CNTN1: variants seen among roughly 807,000 people sequenced by gnomAD.
CNTN1 encodes the protein contactin-1.
A neutral mutation model predicts 126.4 loss-of-function variants in CNTN1; 38 were observed. The observed-to-expected ratio is 0.30, with a 90% CI of 0.23 to 0.39. CNTN1 has a LOEUF of 0.39. CNTN1 is among the 10% of genes least tolerant of loss of function. The probability of loss-of-function intolerance (pLI) is 1.00; values close to 1 mark genes in which losing one functional copy is unlikely to be tolerated. For synonymous variants in CNTN1, 413 were observed against 422.6 expected (o/e 0.98, Z 0.28); for missense variants, 1,009 against 1,248.4 (o/e 0.81, Z 2.89).
chr12:41,057,489 TA>T (rs1949852175), intron 23 of CNTN1, among the ~76,000 whole-genome samples: 1 of 151,916 alleles, frequency 6.6e-6, no homozygotes, highest in Admixed American at 6.6e-5. Context: ...TGATATGTAT[TA>T]AAAAATCAAC....
chr12:40,975,134 T>G (rs1041285251), intron 15 of CNTN1, among the ~76,000 whole-genome samples: 1 of 149,142 alleles, frequency 6.7e-6, no homozygotes, highest in African/African-American at 2.5e-5. Flanking sequence ...TATGTATCTC[T>G]GACAACAGCC....
chr12:40,819,904 G>A (rs1193764332), intron 1 of CNTN1, among the ~76,000 whole-genome samples: 1 of 152,176 alleles, frequency 6.6e-6, no homozygotes. Flanking sequence ...CTTGGCTCGG[G>A]GGAGGGGGTT....
At position 40,856,258 on chromosome 12, in the gene CNTN1, T is replaced by C. The variant is rs558926292; in HGVS notation, c.-76-52099T>C. Among the ~76,000 whole-genome samples the C allele has an allele frequency of 3.3e-5, 5 of 152,126 alleles. No individual in the cohort carries two copies. The South Asian group carries it at 8.3e-4, about 25-fold the overall frequency. ...CCAGTTTAAAGACCACTCAGATAGA[T>C]TGAGGCAGTGACAATGACAGTAGAA... On this transcript the variant is annotated intron_variant, in intron 1 of 23. Transcript: ENST00000551295.
At chr12:40,715,563 G>A (rs1942028527) in intron 1 of CNTN1, among the ~76,000 whole-genome samples, 1 of 152,114 alleles carries the variant, frequency 6.6e-6, no homozygotes, top group Non-Finnish European at 1.5e-5. Context: ...TTCCCCTTGT[G>A]TTGGAGAAAA....
intron 7 of CNTN1, among the ~76,000 whole-genome samples, chr12:40,930,628 G>A (rs1483222291): frequency 6.6e-6 from 1 of 151,820 alleles, no homozygotes; most frequent in African/African-American, 2.4e-5. Context: ...CAGTATACTT[G>A]CTTACTTTAC....
chr12:40,913,867 C>A (rs1945138119), intron 3 of CNTN1, among the ~76,000 whole-genome samples: 1 of 151,992 alleles, frequency 6.6e-6, no homozygotes, highest in African/African-American at 2.4e-5. Flanking sequence ...TCTTTTTGAT[C>A]ACATTTAAGA....
intron 1 of CNTN1, among the ~76,000 whole-genome samples, chr12:40,781,511 G>A (rs773699227): frequency 7.2e-5 from 11 of 151,842 alleles, no homozygotes; most frequent in Non-Finnish European, 1.6e-4. Flanking sequence ...TATTTCTTCT[G>A]CATGTATTAG....
Position 40,977,764 on chromosome 12 carries a change from CTGTTTTGTTTTGTTTTGTTT to C in CNTN1, c.1805-3107_1805-3088del, listed in dbSNP as rs56822606. On this transcript the variant is annotated intron_variant, in intron 15 of 23. Coordinates refer to ENST00000551295, the MANE Select transcript of CNTN1 (RefSeq NM_001843.4). ...ACATTATTTCAGTCCTAACAATCAT[CTGTTTTGTTTTGTTTTGTTT>C]TGTTTTGTTTTGTTTTGTTTTGTTT... Among the ~76,000 whole-genome samples the C allele has an allele frequency of 2.4e-3, 164 of 69,120 alleles. 4 individuals carry two copies. The highest frequency in any genetic ancestry group is 0.01 in the African/African-American group (142 of 13,654). 45.3% of individuals were successfully genotyped at this position (69,120 alleles called of 152,430 possible).
Position 40,908,351 on chromosome 12 carries a change from A to C in CNTN1, c.-76-6A>C. On this transcript the variant is annotated splice_region_variant and splice_polypyrimidine_tract_variant and intron_variant, in intron 1 of 23. Transcript: ENST00000551295. Reference sequence around the variant, plus strand: ...TTCCTTCTTCTTCTTTTCTTTCTTGATGCAGGTGTTTAAAATTATCCAACT... The same window carrying C: ...TTCCTTCTTCTTCTTTTCTTTCTTGCTGCAGGTGTTTAAAATTATCCAACT... The C allele has an allele frequency of 1.1e-6, 1 of 929,696 alleles. No individual in the cohort carries two copies. The highest frequency in any genetic ancestry group is 1.7e-6 in the Non-Finnish European group (1 of 574,696). 57.6% of individuals were successfully genotyped at this position (929,696 alleles called of 1,614,324 possible). A position where few individuals can be genotyped will look rare whatever the true frequency, so the allele number is the denominator to read the frequency against.
At chr12:41,008,246 G>A (rs544112126) in intron 17 of CNTN1, among the ~76,000 whole-genome samples, 4 of 152,080 alleles carry the variant, frequency 2.6e-5, no homozygotes, top group Admixed American at 2.0e-4. Flanking sequence ...ATGTTAGTTC[G>A]AATATGACTA....
At chr12:41,008,088 C>T (rs1566132410) in intron 17 of CNTN1, among the ~76,000 whole-genome samples, 1 of 152,178 alleles carries the variant, frequency 6.6e-6, no homozygotes, top group Non-Finnish European at 1.5e-5. Flanking sequence ...CTGGCAACTT[C>T]CTCCTATAAA....
At chr12:40,991,282 T>C (rs530202777) in intron 16 of CNTN1, among the ~76,000 whole-genome samples, 1 of 152,276 alleles carries the variant, frequency 6.6e-6, no homozygotes, top group East Asian at 1.9e-4. Flanking sequence ...TCTGTGTCTT[T>C]CTTTTATAAA....
intron 1 of CNTN1, among the ~76,000 whole-genome samples, chr12:40,894,467 A>T (rs1176180563): frequency 6.6e-6 from 1 of 152,170 alleles, no homozygotes; most frequent in Non-Finnish European, 1.5e-5. Flanking sequence ...GTTAATGGAG[A>T]AACTATACAG....
At chr12:41,029,308 C>G in intron 23 of CNTN1, 89 bp downstream of exon 23, 1 of 1,382,030 alleles carries the variant, frequency 7.2e-7, no homozygotes, top group Non-Finnish European at 1.0e-6. Flanking sequence ...AAGCCTGATA[C>G]ACCAGTGTCC....
intron 3 of CNTN1, among the ~76,000 whole-genome samples, chr12:40,916,360 A>G (rs1050358664): frequency 1.3e-5 from 2 of 152,162 alleles, no homozygotes; most frequent in Admixed American, 1.3e-4. Flanking sequence ...GAGAGACTCA[A>G]GGAATAGCTT....
intron 1 of CNTN1, among the ~76,000 whole-genome samples, chr12:40,859,079 A>T (rs566432015): frequency 6.6e-6 from 1 of 152,258 alleles, no homozygotes; most frequent in Admixed American, 6.5e-5. Flanking sequence ...CCACCATGGC[A>T]CATGTTGACC....
intron 1 of CNTN1, among the ~76,000 whole-genome samples, chr12:40,811,398 T>A (rs1941055099): frequency 6.6e-6 from 1 of 152,166 alleles, no homozygotes; most frequent in African/African-American, 2.4e-5. Context: ...CTGGCTTTGG[T>A]ATAAGGATAA....
At chr12:40,964,054 T>C (rs1164598217) in intron 15 of CNTN1, among the ~76,000 whole-genome samples, 1 of 152,150 alleles carries the variant, frequency 6.6e-6, no homozygotes, top group African/African-American at 2.4e-5. Context: ...GTACATGTAT[T>C]ACCACTTTCT....
chr12:40,814,470 T>C (rs1941192747), intron 1 of CNTN1, among the ~76,000 whole-genome samples: 1 of 152,214 alleles, frequency 6.6e-6, no homozygotes, highest in South Asian at 2.1e-4. Context: ...CCCCATTGAT[T>C]ATTTTTGTCA....
Sources: allele counts gnomAD v4.1 joint callset (sites outside exome capture counted in the v4.1 genomes callset), GRCh38; gene constraint gnomAD v4.1.1; transcripts MANE v1.5; gene names NCBI Gene and HGNC (gene_info 2026-07-23, HGNC 2026-07-21).